CNTNAP5: variants seen among roughly 807,000 people sequenced by gnomAD.
The protein encoded by CNTNAP5 is contactin-associated protein-like 5.
CNTNAP5 carries 72 observed loss-of-function variants against 150.2 expected under a neutral mutation model. The observed-to-expected ratio is 0.48, with a 90% CI of 0.40 to 0.58. The LOEUF is 0.58. Among genes scored for constraint, CNTNAP5 ranks in the 20% least tolerant of loss-of-function variants. The pLI is 0.00. For synonymous variants in CNTNAP5, 672 were observed against 619.8 expected (o/e 1.08, Z -1.25); for missense variants, 1,636 against 1,626.2 (o/e 1.01, Z -0.10).
intron 1 of CNTNAP5, among the ~76,000 whole-genome samples, chr2:124,092,081 A>G (rs1026289426): frequency 6.6e-6 from 1 of 152,140 alleles, no homozygotes; most frequent in African/African-American, 2.4e-5. Flanking sequence ...ATCCTTTCTG[A>G]GTACCCTTCC....
At chr2:124,369,567 T>C (rs1241508094) in intron 3 of CNTNAP5, among the ~76,000 whole-genome samples, 1 of 152,136 alleles carries the variant, frequency 6.6e-6, no homozygotes, top group Non-Finnish European at 1.5e-5. Context: ...TTGAAAACCT[T>C]TTCTTTCCTT....
At chr2:124,750,901 T>C (rs1680709718) in intron 14 of CNTNAP5, among the ~76,000 whole-genome samples, 1 of 149,480 alleles carries the variant, frequency 6.7e-6, no homozygotes, top group South Asian at 2.1e-4. Context: ...GAAGAATCAC[T>C]TGAACCCAGA....
rs78301122 is a variant in CNTNAP5, at chr2:124,324,125, T to G, written c.381+81732T>G. On this transcript the variant is annotated intron_variant, in intron 3 of 23. Transcript: ENST00000682447. ...TAAGTACTATGATGGACAGTGAGGA[T>G]GTAGCGTGAACCAGACAGAAATAGC... Among the ~76,000 whole-genome samples, 420 of 152,340 alleles carry G rather than the reference T, an allele frequency of 2.8e-3. 3 individuals are homozygous for G. Among genetic ancestry groups the G allele is most frequent in the African/African-American group, 9.8e-3 (409 of 41,576 alleles).
intron 3 of CNTNAP5, among the ~76,000 whole-genome samples, chr2:124,351,788 G>T (rs987604184): frequency 6.6e-6 from 1 of 152,096 alleles, no homozygotes; most frequent in Admixed American, 6.6e-5. Flanking sequence ...GAGATCAGCC[G>T]CCACTCATTC....
intron 2 of CNTNAP5, among the ~76,000 whole-genome samples, chr2:124,223,570 G>A (rs1257191961): frequency 6.6e-6 from 1 of 151,980 alleles, no homozygotes; most frequent in Non-Finnish European, 1.5e-5. Context: ...AGCTTCCAGA[G>A]AAAGGAGTTG....
At chr2:124,502,524 T>C (rs1176206256) in intron 7 of CNTNAP5, among the ~76,000 whole-genome samples, 1 of 152,170 alleles carries the variant, frequency 6.6e-6, no homozygotes, top group Non-Finnish European at 1.5e-5. Flanking sequence ...ACCTCAGACT[T>C]TGAATGCAGC....
chr2:124,145,832 GAAAA>G (rs1164454367), intron 1 of CNTNAP5, among the ~76,000 whole-genome samples: 3 of 34,220 alleles, frequency 8.8e-5, no homozygotes, highest in Admixed American at 4.2e-4. Context: ...AAAAAAAGAA[GAAAA>G]AAAAAAAAAA....
chr2:124,558,526 G>A (rs1695811376), intron 10 of CNTNAP5, among the ~76,000 whole-genome samples: 3 of 152,174 alleles, frequency 2.0e-5, no homozygotes, highest in Admixed American at 6.5e-5. Context: ...AGATCTAAAC[G>A]TTGAAGTCAC....
At chr2:124,272,373 GCT>G (rs1459046785) in intron 3 of CNTNAP5, among the ~76,000 whole-genome samples, 1 of 152,106 alleles carries the variant, frequency 6.6e-6, no homozygotes, top group Non-Finnish European at 1.5e-5. Flanking sequence ...GGATTGAAAT[GCT>G]CTTTAATAGA....
At chr2:124,885,549 TCACACACACACA>T (rs3980831) in intron 21 of CNTNAP5, among the ~76,000 whole-genome samples, 2,128 of 145,360 alleles carry the variant, frequency 0.015, 27 homozygotes, top group Middle Eastern at 0.028. Context: ...AACATTTTCA[TCACACACACACA>T]CACACACACA....
chr2:124,043,570 T>C (rs1681447002), intron 1 of CNTNAP5, among the ~76,000 whole-genome samples: 1 of 152,112 alleles, frequency 6.6e-6, no homozygotes, highest in South Asian at 2.1e-4. Context: ...CTTCCCATCA[T>C]CATGTTCTCC....
chr2:124,057,865 C>T (rs779313399), intron 1 of CNTNAP5, among the ~76,000 whole-genome samples: 8 of 151,986 alleles, frequency 5.3e-5, no homozygotes, highest in Non-Finnish European at 8.8e-5. Flanking sequence ...CTTGAGGGGG[C>T]GGATACCCCA....
intron 12 of CNTNAP5, among the ~76,000 whole-genome samples, chr2:124,621,218 C>T (rs991731): frequency 0.41 from 62,830 of 151,704 alleles, 14,656 homozygotes; most frequent in Non-Finnish European, 0.54. Flanking sequence ...TACAATTGTA[C>T]ATTGATATGC....
intron 5 of CNTNAP5, among the ~76,000 whole-genome samples, chr2:124,437,994 G>A (rs192323943): frequency 8.5e-5 from 13 of 152,244 alleles, no homozygotes; most frequent in Admixed American, 3.3e-4. Context: ...GAGTGAAGAA[G>A]TTCAGCACCA....
chr2:124,599,591 A>T (rs1395473610), intron 11 of CNTNAP5, among the ~76,000 whole-genome samples: 1 of 152,236 alleles, frequency 6.6e-6, no homozygotes, highest in Non-Finnish European at 1.5e-5. Context: ...AATGTGGAAG[A>T]TGGGAAGATA....
At chr2:124,310,391 G>A (rs1688796288) in intron 3 of CNTNAP5, among the ~76,000 whole-genome samples, 2 of 151,936 alleles carry the variant, frequency 1.3e-5, no homozygotes, top group South Asian at 4.2e-4. Context: ...TAGTGGGTTG[G>A]TAAACTCTTT....
intron 11 of CNTNAP5, among the ~76,000 whole-genome samples, chr2:124,608,306 A>G (rs1432563585): frequency 6.6e-6 from 1 of 152,212 alleles, no homozygotes; most frequent in African/African-American, 2.4e-5. Context: ...CTATATTCTC[A>G]TATATGAGAC....
chr2:124,692,668 AT>A (rs1194779502), intron 13 of CNTNAP5, among the ~76,000 whole-genome samples: 2 of 152,192 alleles, frequency 1.3e-5, no homozygotes, highest in African/African-American at 4.8e-5. Flanking sequence ...TTAGCTCCAG[AT>A]TTTTTCTCCC....
At position 124,225,546 on chromosome 2, in the gene CNTNAP5, A is replaced by T. The variant is rs115279386; in HGVS notation, c.187+3737A>T. On this transcript the variant is annotated intron_variant, in intron 2 of 23. Coordinates refer to ENST00000682447, the MANE Select transcript of CNTNAP5 (RefSeq NM_001367498.1). ...TTACAGTGTATGAAATGATGATTTG[A>T]TAGGTATGCATTTTGAAATAATTAC... Among the ~76,000 whole-genome samples the T allele has an allele frequency of 3.8e-3, 577 of 152,296 alleles. 5 individuals are homozygous for T. Among genetic ancestry groups the T allele is most frequent in the African/African-American group, 0.013 (557 of 41,574 alleles).
Sources: allele counts gnomAD v4.1 joint callset (sites outside exome capture counted in the v4.1 genomes callset), GRCh38; gene constraint gnomAD v4.1.1; transcripts MANE v1.5; gene names NCBI Gene and HGNC (gene_info 2026-07-23, HGNC 2026-07-21).